DLG2: variants seen among roughly 807,000 people sequenced by gnomAD.
DLG2 encodes discs large MAGUK scaffold protein 2.
A neutral mutation model predicts 132.5 loss-of-function variants in DLG2; 45 were observed. The observed-to-expected ratio is 0.34, with a 90% CI of 0.27 to 0.44. The LOEUF (loss-of-function observed/expected upper bound fraction) is 0.44, where lower values mean the gene tolerates loss of function less well. Ranked by LOEUF, DLG2 falls within the 20% of genes least tolerant of loss-of-function variation. The probability of loss-of-function intolerance (pLI) is 1.00; values close to 1 mark genes in which losing one functional copy is unlikely to be tolerated. For synonymous variants in DLG2, 424 were observed against 419.6 expected (o/e 1.01, Z -0.13); for missense variants, 1,045 against 1,196.9 (o/e 0.87, Z 1.87).
chr11:84,106,248 T>A (rs988971399), intron 9 of DLG2, among the ~76,000 whole-genome samples: 2 of 152,080 alleles, frequency 1.3e-5, no homozygotes, highest in African/African-American at 4.8e-5. Context: ...GAAAAGTAAA[T>A]CTGGAGTGGC....
At chr11:85,370,137 C>T (rs2084866003) in intron 3 of DLG2, among the ~76,000 whole-genome samples, 1 of 151,984 alleles carries the variant, frequency 6.6e-6, no homozygotes, top group Admixed American at 6.6e-5. Flanking sequence ...CTAACCATGC[C>T]CTTAATTAAG....
chr11:85,292,577 T>C (rs1241486338), intron 3 of DLG2, among the ~76,000 whole-genome samples: 1 of 147,512 alleles, frequency 6.8e-6, no homozygotes, highest in African/African-American at 2.5e-5. Context: ...AAATTCCACA[T>C]TGTTCTGATA....
At chr11:84,934,392 T>A (rs1429764171) in intron 6 of DLG2, among the ~76,000 whole-genome samples, 2 of 151,912 alleles carry the variant, frequency 1.3e-5, no homozygotes, top group Non-Finnish European at 2.9e-5. Context: ...CCTCACAGAA[T>A]GAGTCAGGGA....
chr11:84,815,585 C>T (rs560011953), intron 6 of DLG2, among the ~76,000 whole-genome samples: 1 of 152,082 alleles, frequency 6.6e-6, no homozygotes, highest in Non-Finnish European at 1.5e-5. Context: ...AGAATGACAT[C>T]TTGAGAATTG....
rs1555331856 is a variant in DLG2 at position 84,991,523 on chromosome 11, A to AAAAAG, written c.357+120137_357+120138insCTTTT. 1.7e-3 allele frequency among the ~76,000 whole-genome samples: 196 copies of AAAAAG among 116,264 alleles called. 1 individual carries two copies. The highest frequency in any genetic ancestry group is 7.2e-3 in the East Asian group (27 of 3,740). 76.3% of individuals were successfully genotyped at this position (116,264 alleles called of 152,430 possible). ...GACACCTTCTCAAAAAAAAAAAAAA[A>AAAAAG]AAAGAAAGAAAGAAAGGAAGAAAGA... On this transcript the variant is annotated intron_variant, in intron 6 of 27. Transcript: ENST00000376104.
intron 3 of DLG2, among the ~76,000 whole-genome samples, chr11:85,376,384 C>G (rs1389970309): frequency 6.6e-6 from 1 of 152,078 alleles, no homozygotes; most frequent in Non-Finnish European, 1.5e-5. Context: ...GGTCAAGAAA[C>G]TGAGGCTGAA....
chr11:84,848,289 T>A (rs1461790903), intron 6 of DLG2, among the ~76,000 whole-genome samples: 1 of 150,556 alleles, frequency 6.6e-6, no homozygotes, highest in Non-Finnish European at 1.5e-5. Flanking sequence ...AGGCCAGGAG[T>A]TCAAGACTAG....
At chr11:84,187,623 A>G (rs536646613) in intron 8 of DLG2, among the ~76,000 whole-genome samples, 1 of 152,080 alleles carries the variant, frequency 6.6e-6, no homozygotes, top group Non-Finnish European at 1.5e-5. Flanking sequence ...GAAAAATTTT[A>G]TCTCAATGTT....
chr11:84,003,866 A>G (rs2449584), intron 11 of DLG2, among the ~76,000 whole-genome samples: 23,061 of 152,120 alleles, frequency 0.15, 2,160 homozygotes, highest in East Asian at 0.31. Context: ...ATTCCTGGAA[A>G]CATACAACCT....
At chr11:85,005,965 G>C (rs184074968) in intron 6 of DLG2, among the ~76,000 whole-genome samples, 2 of 152,270 alleles carry the variant, frequency 1.3e-5, no homozygotes, top group East Asian at 1.9e-4. Flanking sequence ...GGCCTTTTCT[G>C]CATCTATTGA....
At chr11:84,434,398 A>T (rs1319297544) in intron 7 of DLG2, among the ~76,000 whole-genome samples, 1 of 152,160 alleles carries the variant, frequency 6.6e-6, no homozygotes, top group African/African-American at 2.4e-5. Flanking sequence ...TGGATCTAGA[A>T]GAATGATGAG....
intron 19 of DLG2, among the ~76,000 whole-genome samples, chr11:83,623,115 T>C (rs2061894613): frequency 1.3e-5 from 2 of 152,204 alleles, no homozygotes; most frequent in Admixed American, 1.3e-4. Context: ...TGTGTATATA[T>C]TTAAGATAGT....
At chr11:84,225,948 T>A (rs1242181533) in intron 8 of DLG2, among the ~76,000 whole-genome samples, 1 of 152,090 alleles carries the variant, frequency 6.6e-6, no homozygotes. Flanking sequence ...GTAGCTGGGA[T>A]TACAGGCACA....
At chr11:84,176,651 C>A (rs1428454010) in intron 8 of DLG2, among the ~76,000 whole-genome samples, 1 of 151,956 alleles carries the variant, frequency 6.6e-6, no homozygotes, top group East Asian at 1.9e-4. Context: ...CATGCATACT[C>A]AAGTTGTGAT....
chr11:85,085,360 C>G (rs1026680807), intron 6 of DLG2, among the ~76,000 whole-genome samples: 6 of 152,074 alleles, frequency 3.9e-5, no homozygotes, highest in African/African-American at 1.4e-4. Context: ...TCTCATGATG[C>G]TAGAAACTGC....
At position 85,064,831 on chromosome 11, in the gene DLG2, T is replaced by C. The variant is rs571867542; in HGVS notation, c.357+46830A>G. ...GATCCCCAAAGAAGAGAGAATTCTA[T>C]CTCAAGATTATAACATACAAATTCT... On this transcript the variant is annotated intron_variant, in intron 6 of 27. Transcript: ENST00000376104. Among the ~76,000 whole-genome samples, 66 of 151,720 alleles carry C rather than the reference T, an allele frequency of 4.4e-4. No individual in the cohort carries two copies. In the South Asian group the frequency reaches 6.0e-3, roughly 14 times the overall value.
intron 7 of DLG2, among the ~76,000 whole-genome samples, chr11:84,445,487 T>C (rs954527317): frequency 1.3e-5 from 2 of 152,208 alleles, no homozygotes; most frequent in South Asian, 4.1e-4. Context: ...TTACAAGAAA[T>C]ATGTCTTTCT....
At chr11:83,563,217 T>A (rs1463044057) in intron 19 of DLG2, among the ~76,000 whole-genome samples, 3 of 152,060 alleles carry the variant, frequency 2.0e-5, no homozygotes, top group Non-Finnish European at 4.4e-5. Context: ...GACCTCATGA[T>A]CCGCCCGCCT....
At chr11:83,566,305 T>TG (rs2096708432) in intron 19 of DLG2, among the ~76,000 whole-genome samples, 1 of 152,188 alleles carries the variant, frequency 6.6e-6, no homozygotes, top group Non-Finnish European at 1.5e-5. Context: ...GTTCTATCTG[T>TG]GGGTGCCTGT....
Sources: allele counts gnomAD v4.1 joint callset (sites outside exome capture counted in the v4.1 genomes callset), GRCh38; gene constraint gnomAD v4.1.1; transcripts MANE v1.5; gene names NCBI Gene and HGNC (gene_info 2026-07-23, HGNC 2026-07-21).